PHKB: variants seen among roughly 807,000 people sequenced by gnomAD.
PHKB encodes the protein phosphorylase kinase regulatory subunit beta.
In PHKB, 122 loss-of-function variants were observed where a neutral mutation model predicts 152.1. The ratio of observed to expected loss-of-function variants is 0.80; its 90% CI spans 0.69 to 0.93. PHKB has a LOEUF of 0.93. Among genes scored for constraint, PHKB ranks in the 40% least tolerant of loss-of-function variants. The pLI is 0.00. For missense variants in PHKB, 1,304 were observed against 1,328.4 expected (o/e 0.98, Z 0.29); for synonymous variants, 436 against 464.9 (o/e 0.94, Z 0.80).
chr16:47,517,895 C>T (rs116524659), intron 6 of PHKB, among the ~76,000 whole-genome samples: 2,676 of 152,184 alleles, frequency 0.018, 75 homozygotes, highest in African/African-American at 0.06. Flanking sequence ...ATGTCATTTC[C>T]GCTCACCATC....
Position 47,531,573 on chromosome 16 carries a change from A to G in PHKB, c.595-15860A>G, listed in dbSNP as rs1970862265. On this transcript the variant is annotated intron_variant, in intron 6 of 30. Transcript: ENST00000323584. Reference sequence around the variant, plus strand: ...ATTTTTAATAAAAATAACTTTTCCAAAATAAAAATAATTGAGTGAAAATAA... The same window carrying G: ...ATTTTTAATAAAAATAACTTTTCCAGAATAAAAATAATTGAGTGAAAATAA... 3.3e-5 allele frequency among the ~76,000 whole-genome samples: 5 copies of G among 152,320 alleles called. No individual in the cohort carries two copies. The South Asian group carries it at 1.0e-3, about 32-fold the overall frequency.
chr16:47,514,004 A>T (rs1970553631), intron 5 of PHKB, among the ~76,000 whole-genome samples: 1 of 152,154 alleles, frequency 6.6e-6, no homozygotes, highest in African/African-American at 2.4e-5. Flanking sequence ...GCAAAAAGAA[A>T]CTTTGTATTC....
At chr16:47,485,636 C>T (rs1419673012) in intron 1 of PHKB, among the ~76,000 whole-genome samples, 1 of 152,156 alleles carries the variant, frequency 6.6e-6, no homozygotes, top group African/African-American at 2.4e-5. Context: ...ATTTATTTAT[C>T]TAGAGATAAG....
intron 6 of PHKB, among the ~76,000 whole-genome samples, chr16:47,525,064 T>G (rs1368765709): frequency 6.6e-6 from 1 of 152,208 alleles, no homozygotes; most frequent in Admixed American, 6.5e-5. Flanking sequence ...GCAAAGTTTG[T>G]GAATTTTCAG....
chr16:47,509,856 A>C (rs957881320), intron 4 of PHKB, among the ~76,000 whole-genome samples: 8 of 152,166 alleles, frequency 5.3e-5, no homozygotes, highest in Admixed American at 2.0e-4. Context: ...TCCAGTAATG[A>C]CCTGGAGTTA....
intron 6 of PHKB, among the ~76,000 whole-genome samples, chr16:47,536,775 G>C (rs951634387): frequency 6.6e-6 from 1 of 152,174 alleles, no homozygotes; most frequent in African/African-American, 2.4e-5. Flanking sequence ...TTGCAAATAA[G>C]AGATGGTAGA....
At chr16:47,482,742 T>G (rs930850349) in intron 1 of PHKB, among the ~76,000 whole-genome samples, 7 of 152,132 alleles carry the variant, frequency 4.6e-5, no homozygotes, top group African/African-American at 1.7e-4. Flanking sequence ...TTTTTTGAGA[T>G]AGGTTCTGAC....
intron 16 of PHKB, among the ~76,000 whole-genome samples, chr16:47,647,364 T>C (rs1035881181): frequency 6.6e-6 from 1 of 152,188 alleles, no homozygotes; most frequent in Non-Finnish European, 1.5e-5. Context: ...TCTCAGGTGA[T>C]CCACCCACCT....
chr16:47,464,508 C>A (rs1231147072), intron 1 of PHKB, among the ~76,000 whole-genome samples: 1 of 152,154 alleles, frequency 6.6e-6, no homozygotes, highest in Non-Finnish European at 1.5e-5. Context: ...AGGGCTGGAA[C>A]AGATGTTGGC....
intron 26 of PHKB, among the ~76,000 whole-genome samples, chr16:47,682,322 G>C (rs1250702739): frequency 6.6e-6 from 1 of 152,110 alleles, no homozygotes; most frequent in Non-Finnish European, 1.5e-5. Context: ...TGCTAGATTG[G>C]GGAAGTATTG....
intron 4 of PHKB, among the ~76,000 whole-genome samples, chr16:47,506,213 A>G (rs1970416076): frequency 6.6e-6 from 1 of 151,902 alleles, no homozygotes; most frequent in Non-Finnish European, 1.5e-5. Flanking sequence ...AAGAAAAAAA[A>G]TAATAAAAAG....
chr16:47,581,524 CTAT>C (rs10556495), intron 8 of PHKB, among the ~76,000 whole-genome samples: 1,891 of 152,266 alleles, frequency 0.012, 35 homozygotes, highest in African/African-American at 0.043. Flanking sequence ...GTGAGTATGG[CTAT>C]TTAACTAAGC....
chr16:47,501,546 G>C (rs898513258), intron 3 of PHKB, among the ~76,000 whole-genome samples: 1 of 152,096 alleles, frequency 6.6e-6, no homozygotes, highest in Non-Finnish European at 1.5e-5. Context: ...AAATCTCCTT[G>C]TTTTCTAGAG....
intron 7 of PHKB, chr16:47,548,148 C>G (rs2151672892): frequency 6.5e-6 from 1 of 153,296 alleles, no homozygotes; most frequent in East Asian, 1.9e-4. Flanking sequence ...GCTTTAGTGA[C>G]TGATTGTACC....
chr16:47,462,772 GAA>G (rs1165999344), intron 1 of PHKB: 1 of 128,462 alleles, frequency 7.8e-6, no homozygotes, highest in Non-Finnish European at 1.6e-5. Context: ...TCTAATTTCT[GAA>G]AATCTAATTT....
At chr16:47,535,801 C>T (rs1018592729) in intron 6 of PHKB, among the ~76,000 whole-genome samples, 1 of 152,130 alleles carries the variant, frequency 6.6e-6, no homozygotes, top group African/African-American at 2.4e-5. Context: ...CTTAATGATA[C>T]TCTTAAAACA....
chr16:47,461,525 C>T, intron 1 of PHKB, 99 bp downstream of exon 1: 2 of 1,217,426 alleles, frequency 1.6e-6, no homozygotes, highest in South Asian at 1.2e-5. Flanking sequence ...TGGGAATGAA[C>T]CTGTGCCCCG....
chr16:47,563,780 G>C (rs936865908), intron 7 of PHKB, among the ~76,000 whole-genome samples: 3 of 152,068 alleles, frequency 2.0e-5, no homozygotes, highest in African/African-American at 7.2e-5. Context: ...ATTGTACTCA[G>C]TATGTAATTA....
At chr16:47,473,850 C>G (rs906109882) in intron 1 of PHKB, among the ~76,000 whole-genome samples, 1 of 152,156 alleles carries the variant, frequency 6.6e-6, no homozygotes, top group African/African-American at 2.4e-5. Context: ...TGGCCCCTCA[C>G]ATACTTACTA....
Sources: gnomAD v4.1 joint callset for allele counts (sites outside exome capture counted in the v4.1 genomes callset) on GRCh38, gnomAD v4.1.1 for gene constraint, MANE v1.5 for transcripts, NCBI Gene and HGNC (gene_info 2026-07-23, HGNC 2026-07-21) for gene names.